The following FCRL5 variants were observed in gnomAD, a reference collection of about 807,000 sequenced individuals.
FCRL5 encodes Fc receptor-like protein 5.
FCRL5 carries 79 observed loss-of-function variants against 92.1 expected under a neutral mutation model. That is an observed-to-expected ratio of 0.86 (90% CI 0.72 to 1.03). FCRL5 has a LOEUF of 1.03. FCRL5 is among the 50% of genes least tolerant of loss of function. The pLI, the probability that FCRL5 is intolerant of heterozygous loss-of-function variation, is 0.00. For synonymous variants in FCRL5, 466 were observed against 469.3 expected, an observed-to-expected ratio of 0.99 and a Z score of 0.09; for missense variants, 1,160 against 1,181.1, an observed-to-expected ratio of 0.98 and a Z score of 0.26.
At chr1:157,552,273 G>T (rs961212943) in intron 1 of FCRL5, 59 bp downstream of exon 1, 1 of 1,541,850 alleles carries the variant, frequency 6.5e-7, no homozygotes, top group Admixed American at 1.7e-5. Context: ...CCAGGCCTGC[G>T]GTGGAGAGAG....
intron 1 of FCRL5, 86 bp from the exon 2 acceptor site, chr1:157,549,666 T>C (rs540039940): frequency 1.4e-5 from 17 of 1,177,912 alleles, no homozygotes; most frequent in Non-Finnish European, 1.8e-5. Context: ...CCCATGCATG[T>C]ATTACTTGTC....
intron 6 of FCRL5, among the ~76,000 whole-genome samples, chr1:157,540,304 T>C (rs893494594): frequency 2.7e-5 from 4 of 149,706 alleles, no homozygotes; most frequent in Admixed American, 2.6e-4. Context: ...TCTCAAAGAA[T>C]TCCCTTGTCT....
Position 157,539,305 on chromosome 1 carries a change from C to A in FCRL5, c.1183G>T (p.Ala395Ser). Residue 395 changes from alanine to serine, a missense_variant, in exon 7 of 17, where the codon GCC becomes TCC. Ala to Ser is a moderately conservative substitution (Grantham distance 99). Transcript: ENST00000361835. ...GCTTCACAGTGAAGTGTCACCTTGG[C>A]TCCCTCAAAAATCAGGTCCTCAGGA... ...SSPEDLIFEGAKVTLHCEAQR... is the reference protein window; with the variant it reads ...SSPEDLIFEGSKVTLHCEAQR... 3 of 1,614,098 alleles carry A rather than the reference C, an allele frequency of 1.9e-6. No homozygotes were observed. The highest frequency in any genetic ancestry group is 2.5e-6 in the Non-Finnish European group (3 of 1,179,994).
At chr1:157,532,118 C>G (rs181837818) in intron 8 of FCRL5, 1 of 152,064 alleles carries the variant, frequency 6.6e-6, no homozygotes, top group South Asian at 2.1e-4. Context: ...TCAATTAAGA[C>G]GAAAAGGTTG....
Position 157,547,121 on chromosome 1 carries a change from A to C in FCRL5, c.129T>G (p.Thr43=). 6.2e-7 allele frequency: 1 copy of C among 1,614,094 alleles called. No homozygotes were observed. Among genetic ancestry groups the C allele is most frequent in the Middle Eastern group, 1.7e-4 (1 of 6,022 alleles). ...TVFQGERVTL[T]CKGFRFYSPQ... is the part of the protein sequence containing the mutation. Reference sequence around the variant, plus strand: ...GTGAGTAGAAGCGAAATCCCTTGCAAGTGAGGGTCACTCTCTCTCCTTGGA... The same window carrying C: ...GTGAGTAGAAGCGAAATCCCTTGCACGTGAGGGTCACTCTCTCTCCTTGGA... Residue 43 remains threonine (T), a synonymous_variant, in exon 3 of 17, where the codon ACT becomes ACG. Coordinates refer to ENST00000361835, the MANE Select transcript of FCRL5 (RefSeq NM_031281.3).
Position 157,520,498 on chromosome 1 carries a change from GC to G in FCRL5, c.2564del (p.Gly855AlafsTer5), listed in dbSNP as rs769174325. ...SGPFATGVAGGLLSIAGLAAG... is the reference protein window; with the variant it reads ...SGPFATGVAGXLLSIAGLAAG... Reference sequence around the variant, plus strand: ...CAGCAAGGCCTGCTATGCTGAGCAGGCCCCCGGCGACTCCTGTGGCAAAAGG... The same window carrying G: ...CAGCAAGGCCTGCTATGCTGAGCAGGCCCCGGCGACTCCTGTGGCAAAAGG... On this transcript the variant is annotated frameshift_variant, in exon 12 of 17. Coordinates refer to ENST00000361835, the MANE Select transcript of FCRL5 (RefSeq NM_031281.3). LOFTEE classifies it high-confidence loss of function. 6.3e-7 allele frequency: 1 copy of G among 1,575,318 alleles called. No homozygotes were observed. Among genetic ancestry groups the G allele is most frequent in the Non-Finnish European group, 8.6e-7 (1 of 1,160,152 alleles).
intron 15 of FCRL5, 154 bp from the exon 16 acceptor site, chr1:157,516,027 T>C: frequency 1.3e-6 from 1 of 785,934 alleles, no homozygotes; most frequent in Non-Finnish European, 2.2e-6. Context: ...ACCCAGTCCC[T>C]CTCCATTCCC....
chr1:157,547,621 C>T (rs1269147704), intron 2 of FCRL5, among the ~76,000 whole-genome samples: 1 of 152,116 alleles, frequency 6.6e-6, no homozygotes, highest in East Asian at 1.9e-4. Context: ...CCTGAGAAAA[C>T]CTTGAGAGCT....
chr1:157,544,175 A>C, intron 5 of FCRL5, 87 bp downstream of exon 5: 2 of 1,425,090 alleles, frequency 1.4e-6, no homozygotes, highest in Non-Finnish European at 1.9e-6. Flanking sequence ...TTTTTTCTAC[A>C]GAGACTGGTG....
intron 8 of FCRL5, chr1:157,534,171 A>G: frequency 2.4e-6 from 1 of 413,080 alleles, no homozygotes; most frequent in Non-Finnish European, 4.5e-6. Context: ...CTAGGGAGCC[A>G]TTTCCCCCTT....
intron 8 of FCRL5, chr1:157,533,247 T>C (rs1164864939): frequency 6.6e-6 from 1 of 152,184 alleles, no homozygotes; most frequent in Non-Finnish European, 1.5e-5. Context: ...ACTCTTCGGT[T>C]CAATTTTCTG....
intron 2 of FCRL5, among the ~76,000 whole-genome samples, chr1:157,547,886 G>A (rs1651632589): frequency 6.6e-6 from 1 of 152,184 alleles, no homozygotes; most frequent in South Asian, 2.1e-4. Context: ...ATTAAATGTG[G>A]GATGCAGATA....
chr1:157,538,315 G>A (rs757755899), intron 7 of FCRL5, among the ~76,000 whole-genome samples: 6 of 152,272 alleles, frequency 3.9e-5, no homozygotes, highest in South Asian at 2.1e-4. Context: ...AACTGAGGCC[G>A]CTTCCGGGAC....
rs189529611 is a variant in FCRL5, at chr1:157,518,843, A to G, written c.2661-61T>C. On this transcript the variant is annotated intron_variant, in intron 13 of 16. Coordinates refer to ENST00000361835, the MANE Select transcript of FCRL5 (RefSeq NM_031281.3). ...TCCAGACAAAGTAGCTATAATGATC[A>G]CTCCTAGTGAGTGACTTCTTACTGC... is the stretch of plus-strand genomic sequence containing the variant. 2.7e-4 allele frequency: 368 copies of G among 1,386,692 alleles called. 2 individuals are homozygous for G. In the African/African-American group the frequency reaches 4.5e-3, roughly 17 times the overall value. The allele number at this position is 1,386,692 out of a possible 1,614,324, so 85.9% of individuals were successfully genotyped here.
intron 9 of FCRL5, among the ~76,000 whole-genome samples, chr1:157,525,453 G>C (rs1170567875): frequency 6.6e-6 from 1 of 152,186 alleles, no homozygotes; most frequent in East Asian, 1.9e-4. Context: ...GGAGATCTAG[G>C]CTGGACTTCA....
intron 2 of FCRL5, among the ~76,000 whole-genome samples, chr1:157,548,130 G>T (rs565837020): frequency 6.6e-6 from 1 of 152,250 alleles, no homozygotes; most frequent in Non-Finnish European, 1.5e-5. Flanking sequence ...AATGGGGTCT[G>T]TTGGCAATAA....
chr1:157,518,062 A>ATAT (rs1650006917), intron 15 of FCRL5, among the ~76,000 whole-genome samples: 1 of 152,130 alleles, frequency 6.6e-6, no homozygotes, highest in African/African-American at 2.4e-5. Flanking sequence ...TGAGAAATAG[A>ATAT]TATTAGTTCT....
chr1:157,548,481 A>G (rs1180556396), intron 2 of FCRL5, among the ~76,000 whole-genome samples: 1 of 152,234 alleles, frequency 6.6e-6, no homozygotes, highest in Non-Finnish European at 1.5e-5. Flanking sequence ...AGAAACTACC[A>G]TCAGAGTGAA....
At chr1:157,542,797 AG>A in intron 6 of FCRL5, 61 bp downstream of exon 6, 1 of 1,558,840 alleles carries the variant, frequency 6.4e-7, no homozygotes, top group Non-Finnish European at 8.7e-7. Context: ...TGACTTCCGA[AG>A]GGCAGGGTGA....
Sources: gnomAD v4.1 joint callset for allele counts (sites outside exome capture counted in the v4.1 genomes callset) on GRCh38, gnomAD v4.1.1 for gene constraint, MANE v1.5 for transcripts, NCBI Gene and HGNC (gene_info 2026-07-23, HGNC 2026-07-21) for gene names.